The following WDPCP variants were observed in gnomAD, a reference collection of about 807,000 sequenced individuals.
WDPCP encodes WD repeat-containing and planar cell polarity effector protein fritz homolog.
A neutral mutation model predicts 93.1 loss-of-function variants in WDPCP; 71 were observed. That is an observed-to-expected ratio of 0.76 (90% CI 0.63 to 0.93). The LOEUF is 0.93. Ranked by LOEUF, WDPCP falls within the 40% of genes least tolerant of loss-of-function variation. The pLI is 0.00. For missense variants in WDPCP, 844 were observed against 887.4 expected, an observed-to-expected ratio of 0.95 and a Z score of 0.62; for synonymous variants, 315 against 315.0, an observed-to-expected ratio of 1.00 and a Z score of 0.00.
intron 2 of WDPCP, among the ~76,000 whole-genome samples, chr2:63,667,230 G>A (rs1710294527): frequency 6.6e-6 from 1 of 152,170 alleles, no homozygotes; most frequent in African/African-American, 2.4e-5. Flanking sequence ...TCACTGACAT[G>A]GTTGTATTTC....
chr2:63,547,794 G>T (rs1392379736), intron 1 of WDPCP, among the ~76,000 whole-genome samples: 1 of 151,612 alleles, frequency 6.6e-6, no homozygotes, highest in African/African-American at 2.4e-5. Flanking sequence ...ATAGACTTGT[G>T]GGTACCAGAG....
intron 1 of WDPCP, among the ~76,000 whole-genome samples, chr2:63,549,862 C>A (rs1206378598): frequency 3.3e-5 from 5 of 152,150 alleles, no homozygotes; most frequent in Non-Finnish European, 7.4e-5. Context: ...TACTTCCACT[C>A]AAGGTTCTGA....
At chr2:63,330,104 T>G (rs1382286449) in intron 12 of WDPCP, among the ~76,000 whole-genome samples, 1 of 152,174 alleles carries the variant, frequency 6.6e-6, no homozygotes, top group Non-Finnish European at 1.5e-5. Context: ...GACATATACC[T>G]AGAAGTAGGA....
At chr2:63,477,403 C>T (rs1333946142) in intron 6 of WDPCP, among the ~76,000 whole-genome samples, 2 of 151,922 alleles carry the variant, frequency 1.3e-5, no homozygotes, top group Non-Finnish European at 2.9e-5. Context: ...TAATGTATCC[C>T]AAACTAGGGA....
intron 12 of WDPCP, among the ~76,000 whole-genome samples, chr2:63,319,665 A>G (rs1686938271): frequency 6.6e-6 from 1 of 152,100 alleles, no homozygotes; most frequent in Non-Finnish European, 1.5e-5. Flanking sequence ...TTTTTAGTAG[A>G]GATGGGGTTT....
chr2:63,833,477 C>G, the WDPCP span, among the ~76,000 whole-genome samples: 1 of 152,184 alleles, frequency 6.6e-6, no homozygotes, highest in Non-Finnish European at 1.5e-5. Context: ...TCCCTAGACA[C>G]CAATATGCGA....
intron 1 of WDPCP, among the ~76,000 whole-genome samples, chr2:63,583,659 G>A (rs1335016461): frequency 4.1e-5 from 6 of 145,968 alleles, no homozygotes; most frequent in African/African-American, 1.3e-4. Context: ...CCAGCCTGGC[G>A]ACAGAGCAAG....
chr2:63,613,971 C>A (rs543623512), intron 3 of WDPCP, among the ~76,000 whole-genome samples: 2 of 152,056 alleles, frequency 1.3e-5, no homozygotes, highest in Non-Finnish European at 2.9e-5. Context: ...CTCGGACAGA[C>A]TTTTTATTCA....
At chr2:63,646,131 G>T (rs1030771045) in intron 3 of WDPCP, among the ~76,000 whole-genome samples, 1 of 151,898 alleles carries the variant, frequency 6.6e-6, no homozygotes, top group African/African-American at 2.4e-5. Context: ...CTAATGATAT[G>T]ATCTAGTTTC....
At chr2:63,750,132 G>A (rs1669859548) in intron 2 of WDPCP, among the ~76,000 whole-genome samples, 1 of 152,104 alleles carries the variant, frequency 6.6e-6, no homozygotes, top group Non-Finnish European at 1.5e-5. Context: ...AAGAAAAATA[G>A]ACTGGAATGG....
At chr2:63,653,585 A>G (rs1234066690) in intron 2 of WDPCP, among the ~76,000 whole-genome samples, 1 of 152,226 alleles carries the variant, frequency 6.6e-6, no homozygotes, top group African/African-American at 2.4e-5. Context: ...TCCAGCACTC[A>G]GCAATGTAAA....
chr2:63,445,406 G>A (rs1398165657), intron 6 of WDPCP, among the ~76,000 whole-genome samples: 7 of 152,144 alleles, frequency 4.6e-5, no homozygotes, highest in African/African-American at 1.4e-4. Context: ...TGCCTGCAAA[G>A]TCTATTTCAA....
At chr2:63,151,085 A>C (rs1377931160) in intron 17 of WDPCP, among the ~76,000 whole-genome samples, 1 of 152,216 alleles carries the variant, frequency 6.6e-6, no homozygotes, top group Non-Finnish European at 1.5e-5. Flanking sequence ...TTTAGTACAC[A>C]AACTGATATT....
chr2:63,837,974 T>C, the WDPCP span, among the ~76,000 whole-genome samples: 1 of 151,920 alleles, frequency 6.6e-6, no homozygotes, highest in East Asian at 1.9e-4. Context: ...TGGGGACCTG[T>C]AATCCTGGCT....
intron 3 of WDPCP, chr2:63,643,581 C>T: frequency 2.3e-6 from 1 of 433,136 alleles, no homozygotes; most frequent in Non-Finnish European, 4.5e-6. Context: ...TGTTACTCAC[C>T]TTGATGAGGG....
chr2:63,684,475 G>A, intron 2 of WDPCP: 2 of 776,150 alleles, frequency 2.6e-6, no homozygotes, highest in Non-Finnish European at 4.7e-6. Flanking sequence ...TAGCTGTCAT[G>A]GGCAAGAAGA....
rs538097900 is a variant in WDPCP at position 63,120,693 on chromosome 2, A to AT, written c.*1312dup. 0.16 allele frequency among the ~76,000 whole-genome samples: 22,659 copies of AT among 142,338 alleles called. 2,016 individuals are homozygous for AT. The highest frequency in any genetic ancestry group is 0.21 in the Non-Finnish European group (13,375 of 65,028). The allele number at this position is 142,338 out of a possible 152,430, so 93.4% of individuals were successfully genotyped here. A position where few individuals can be genotyped will look rare whatever the true frequency, so the allele number is the denominator to read the frequency against. On this transcript the variant is annotated 3_prime_UTR_variant, in exon 18 of 18. Transcript: ENST00000272321. The stretch of plus-strand genomic sequence containing the variant: ...AGGTGCACGCCACCACGCCCGGCTA[A>AT]TTTTTTTTTTTTTTGTATTTTTAGT...
At chr2:63,526,093 A>G (rs551591604) in intron 1 of WDPCP, among the ~76,000 whole-genome samples, 2 of 152,020 alleles carry the variant, frequency 1.3e-5, no homozygotes, top group Non-Finnish European at 2.9e-5. Flanking sequence ...ACACACATAC[A>G]TGTGCTCTCC....
chr2:63,460,696 G>A (rs543861519), intron 6 of WDPCP, among the ~76,000 whole-genome samples: 29 of 151,718 alleles, frequency 1.9e-4, no homozygotes, highest in African/African-American at 6.0e-4. Flanking sequence ...GCTCGATCTC[G>A]GCTCACTGCA....
Sources: gnomAD v4.1 joint callset for allele counts (sites outside exome capture counted in the v4.1 genomes callset) on GRCh38, gnomAD v4.1.1 for gene constraint, MANE v1.5 for transcripts, NCBI Gene and HGNC (gene_info 2026-07-23, HGNC 2026-07-21) for gene names.